TNS1: variants seen among roughly 807,000 people sequenced by gnomAD.
TNS1 encodes tensin-1.
TNS1 carries 62 observed loss-of-function variants against 168.6 expected under a neutral mutation model. The observed-to-expected ratio is 0.37, with a 90% CI of 0.30 to 0.45. The LOEUF is 0.45. Among genes scored for constraint, TNS1 ranks in the 20% least tolerant of loss-of-function variants. TNS1 has a pLI of 1.00. For missense variants in TNS1, 2,240 were observed against 2,339.4 expected (o/e 0.96, Z 0.88); for synonymous variants, 934 against 933.2 (o/e 1.00, Z -0.02).
chr2:217,965,764 G>A (rs186318875), intron 3 of TNS1, among the ~76,000 whole-genome samples: 80 of 152,240 alleles, frequency 5.3e-4, no homozygotes, highest in African/African-American at 1.9e-3. Flanking sequence ...AGCTCAACGG[G>A]CACCACAGAC....
chr2:218,009,984 G>C lies in TNS1; in HGVS notation c.96+116C>G, dbSNP rs1245992033. 7 of 392,958 alleles carry C rather than the reference G, an allele frequency of 1.8e-5. No homozygotes were observed. In the East Asian group the frequency reaches 1.8e-4, roughly 10 times the overall value. 24.3% of individuals were successfully genotyped at this position (392,958 alleles called of 1,614,324 possible). A position where few individuals can be genotyped will look rare whatever the true frequency, so the allele number is the denominator to read the frequency against. On this transcript the variant is annotated intron_variant, in intron 1 of 32. Coordinates refer to the TNS1 transcript ENST00000646520. ...ACGATGGCCGAGACGGAGGGTCCCT[G>C]AGAGTGGAGGGTAGTAAGTCAGATC...
rs1228166352 is a variant in TNS1 at position 217,822,049 on chromosome 2, T to C, written c.3374-111A>G. The C allele has an allele frequency of 4.2e-6, 5 of 1,181,272 alleles. No homozygotes were observed. The African/African-American group carries it at 4.8e-5, about 11-fold the overall frequency. 73.2% of individuals were successfully genotyped at this position (1,181,272 alleles called of 1,614,324 possible). A position where few individuals can be genotyped will look rare whatever the true frequency, so the allele number is the denominator to read the frequency against. ...CTTCCTGGACTCCTGCCTGGGAACA[T>C]AGGAATAGCCCCCAAAGGACAGGCA... On this transcript the variant is annotated intron_variant, in intron 22 of 32. Coordinates refer to ENST00000682258, the MANE Select transcript of TNS1 (RefSeq NM_001387777.1).
chr2:217,829,732 G>T, intron 22 of TNS1: 2 of 1,249,228 alleles, frequency 1.6e-6, no homozygotes, highest in Non-Finnish European at 2.3e-6. Flanking sequence ...GTGCCTGGTC[G>T]CCTGAGTCCC....
rs1940493613 is a variant in TNS1 at position 217,809,809 on chromosome 2, C to G, written c.5273+14G>C. 5 of 1,609,022 alleles carry G rather than the reference C, an allele frequency of 3.1e-6. No individual in the cohort carries two copies. Among genetic ancestry groups the G allele is most frequent in the African/African-American group, 1.3e-5 (1 of 74,960 alleles). ...AAGGAGAACCCCACCGAGGAGCAGGCAGGGGAGTCTTACTTTCTCTGGTTG... is the reference window on the plus strand; with the variant it reads ...AAGGAGAACCCCACCGAGGAGCAGGGAGGGGAGTCTTACTTTCTCTGGTTG... On this transcript the variant is annotated intron_variant, in intron 30 of 32. Coordinates refer to ENST00000682258, the MANE Select transcript of TNS1 (RefSeq NM_001387777.1).
intron 6 of TNS1, among the ~76,000 whole-genome samples, chr2:217,901,037 C>A (rs925954983): frequency 6.6e-6 from 1 of 152,144 alleles, no homozygotes; most frequent in Non-Finnish European, 1.5e-5. Flanking sequence ...GGAACCAAGA[C>A]GAGGCCTAAG....
upstream of TNS1, among the ~76,000 whole-genome samples, chr2:218,004,828 A>AC (rs563000904): frequency 2.0e-5 from 3 of 152,096 alleles, no homozygotes; most frequent in South Asian, 2.1e-4. Flanking sequence ...GTCCCTCTGG[A>AC]CCCCCTACTC....
At chr2:217,883,618 A>G (rs1265192057) in intron 16 of TNS1, among the ~76,000 whole-genome samples, 1 of 152,210 alleles carries the variant, frequency 6.6e-6, no homozygotes, top group Non-Finnish European at 1.5e-5. Flanking sequence ...GACTCCCACT[A>G]CGTAAGAGGA....
intron 21 of TNS1, among the ~76,000 whole-genome samples, 183 bp downstream of exon 21, chr2:217,834,908 G>A (rs765756811): frequency 3.9e-5 from 6 of 152,182 alleles, no homozygotes; most frequent in Admixed American, 1.3e-4. Flanking sequence ...TGTGGACGAC[G>A]GAGAAGACAA....
chr2:217,940,324 C>T (rs1956849499), intron 3 of TNS1, among the ~76,000 whole-genome samples: 1 of 152,212 alleles, frequency 6.6e-6, no homozygotes, highest in Non-Finnish European at 1.5e-5. Context: ...CTCCTCTGCC[C>T]CCCACCTCCA....
intron 18 of TNS1, among the ~76,000 whole-genome samples, chr2:217,864,000 G>A (rs1949032360): frequency 6.6e-6 from 1 of 152,178 alleles, no homozygotes; most frequent in Non-Finnish European, 1.5e-5. Flanking sequence ...CCCTGGCAGG[G>A]CCTCAGCCTT....
chr2:217,835,878 G>A (rs1165941509), intron 20 of TNS1, 137 bp downstream of exon 20: 1 of 696,386 alleles, frequency 1.4e-6, no homozygotes, highest in Non-Finnish European at 2.4e-6. Context: ...TCAGAGAAGA[G>A]AGTTTGGGTG....
At chr2:217,896,499 C>A (rs182186720) in intron 8 of TNS1, among the ~76,000 whole-genome samples, 2 of 152,062 alleles carry the variant, frequency 1.3e-5, no homozygotes, top group Non-Finnish European at 2.9e-5. Flanking sequence ...TGGAGTGATG[C>A]GCTACAAACC....
intron 3 of TNS1, among the ~76,000 whole-genome samples, chr2:217,924,803 T>A (rs1190231822): frequency 6.6e-6 from 1 of 152,214 alleles, no homozygotes; most frequent in Non-Finnish European, 1.5e-5. Context: ...ATAATCCCAC[T>A]ACACCTGCAT....
At chr2:217,929,832 C>A (rs1363724642) in intron 3 of TNS1, among the ~76,000 whole-genome samples, 1 of 152,152 alleles carries the variant, frequency 6.6e-6, no homozygotes, top group African/African-American at 2.4e-5. Flanking sequence ...CACATACACC[C>A]CTTCTCAGGT....
intron 19 of TNS1, among the ~76,000 whole-genome samples, chr2:217,836,706 C>G (rs1477624083): frequency 6.6e-6 from 1 of 152,170 alleles, no homozygotes; most frequent in African/African-American, 2.4e-5. Context: ...AGCCTTGTTA[C>G]GAAGTCCCCA....
At chr2:217,840,951 G>A (rs1945869496) in intron 19 of TNS1, among the ~76,000 whole-genome samples, 1 of 152,218 alleles carries the variant, frequency 6.6e-6, no homozygotes, top group Admixed American at 6.5e-5. Flanking sequence ...AGAGAGGGCT[G>A]GAGAGAGGAG....
chr2:217,976,773 C>T (rs1957907452), intron 3 of TNS1, among the ~76,000 whole-genome samples: 2 of 152,238 alleles, frequency 1.3e-5, no homozygotes, highest in African/African-American at 4.8e-5. Context: ...CCAATCAGAC[C>T]CTTCACTGCC....
intron 18 of TNS1, among the ~76,000 whole-genome samples, chr2:217,868,797 G>A (rs879105724): frequency 2.6e-5 from 4 of 152,216 alleles, no homozygotes; most frequent in South Asian, 2.1e-4. Flanking sequence ...CAATCAGCAC[G>A]GGGCCTCCCA....
chr2:218,007,571 G>GT (rs1348312355), upstream of TNS1, among the ~76,000 whole-genome samples: 28 of 128,406 alleles, frequency 2.2e-4, 1 homozygote, highest in Admixed American at 1.6e-3. Context: ...GGGGGTGGGG[G>GT]GGGGGGTTCA....
Sources: allele counts gnomAD v4.1 joint callset (sites outside exome capture counted in the v4.1 genomes callset), GRCh38; gene constraint gnomAD v4.1.1; transcripts MANE v1.5; gene names NCBI Gene and HGNC (gene_info 2026-07-23, HGNC 2026-07-21).